The following DPP10 variants were observed in gnomAD, a reference collection of about 807,000 sequenced individuals.
DPP10 encodes dipeptidyl peptidase like 10, also known as inactive dipeptidyl peptidase 10.
Under a neutral mutation model 120.9 loss-of-function variants are expected in DPP10, and 33 were observed. The observed-to-expected ratio is 0.27, with a 90% CI of 0.21 to 0.37. The LOEUF (loss-of-function observed/expected upper bound fraction) is 0.37, where lower values mean the gene tolerates loss of function less well. Ranked by LOEUF, DPP10 falls within the 10% of genes least tolerant of loss-of-function variation. The pLI is 1.00. For missense variants in DPP10, 816 were observed against 942.8 expected (o/e 0.87, Z 1.76); for synonymous variants, 337 against 326.1 (o/e 1.03, Z -0.36).
At chr2:114,942,398 C>CAT (rs1459908933) in intron 1 of DPP10, among the ~76,000 whole-genome samples, 5 of 100,500 alleles carry the variant, frequency 5.0e-5, no homozygotes, top group Non-Finnish European at 6.7e-5. Flanking sequence ...TATACACACA[C>CAT]ACACATATAT....
At chr2:114,800,850 TCA>T (rs934288417) in intron 1 of DPP10, among the ~76,000 whole-genome samples, 11 of 151,960 alleles carry the variant, frequency 7.2e-5, no homozygotes, top group Admixed American at 2.6e-4. Flanking sequence ...TCCATTTTCC[TCA>T]GTGACAACCA....
At chr2:115,043,450 A>G (rs1177497870) in intron 1 of DPP10, among the ~76,000 whole-genome samples, 1 of 152,246 alleles carries the variant, frequency 6.6e-6, no homozygotes, top group African/African-American at 2.4e-5. Flanking sequence ...AAATGTCAAC[A>G]ATTTGTGTAG....
At chr2:115,483,348 C>T (rs1303188807) in intron 3 of DPP10, among the ~76,000 whole-genome samples, 1 of 152,066 alleles carries the variant, frequency 6.6e-6, no homozygotes, top group Non-Finnish European at 1.5e-5. Flanking sequence ...AAATTAAATA[C>T]TGTTATGTAG....
At chr2:115,410,474 G>GT (rs1410192703) in intron 3 of DPP10, among the ~76,000 whole-genome samples, 2 of 152,140 alleles carry the variant, frequency 1.3e-5, no homozygotes, top group Non-Finnish European at 2.9e-5. Flanking sequence ...ACTGGGGCCT[G>GT]TTTAGGTGTG....
At chr2:114,714,777 A>G (rs1200807160) in intron 1 of DPP10, among the ~76,000 whole-genome samples, 1 of 152,100 alleles carries the variant, frequency 6.6e-6, no homozygotes, top group East Asian at 1.9e-4. Flanking sequence ...TTTTGTTATA[A>G]AAATAAACTA....
chr2:114,735,055 A>G (rs1316185818), intron 1 of DPP10, among the ~76,000 whole-genome samples: 1 of 152,062 alleles, frequency 6.6e-6, no homozygotes, highest in Non-Finnish European at 1.5e-5. Context: ...ATCAGATTGC[A>G]TTAGGGCCCA....
intron 1 of DPP10, among the ~76,000 whole-genome samples, chr2:115,295,338 A>G (rs1393192417): frequency 6.6e-6 from 1 of 152,090 alleles, no homozygotes; most frequent in East Asian, 1.9e-4. Context: ...ACTTACCTTG[A>G]GTTTATTTAA....
intron 1 of DPP10, among the ~76,000 whole-genome samples, chr2:114,861,313 C>A (rs555175256): frequency 6.6e-6 from 1 of 152,268 alleles, no homozygotes; most frequent in East Asian, 1.9e-4. Context: ...TGATTCTGCC[C>A]AACTCCCACA....
At chr2:115,765,481 A>G (rs1680600407) in intron 12 of DPP10, among the ~76,000 whole-genome samples, 1 of 152,186 alleles carries the variant, frequency 6.6e-6, no homozygotes, top group Non-Finnish European at 1.5e-5. Context: ...ATTTAGTTCA[A>G]TTATTAATTG....
intron 1 of DPP10, among the ~76,000 whole-genome samples, chr2:115,274,018 A>G (rs140922574): frequency 7.2e-4 from 109 of 152,256 alleles, no homozygotes; most frequent in Middle Eastern, 6.8e-3. Flanking sequence ...GTGGTGTCAT[A>G]TATGTCCATT....
chr2:114,705,003 C>A (rs1027119779), intron 1 of DPP10, among the ~76,000 whole-genome samples: 5 of 152,142 alleles, frequency 3.3e-5, no homozygotes, highest in Non-Finnish European at 5.9e-5. Context: ...CAAAACCAAC[C>A]CTGCCAATGC....
At chr2:115,784,143 T>TCAA (rs1683081082) in intron 17 of DPP10, among the ~76,000 whole-genome samples, 1 of 152,104 alleles carries the variant, frequency 6.6e-6, no homozygotes, top group African/African-American at 2.4e-5. Flanking sequence ...TGTCTCAAGG[T>TCAA]CAACAAAAAC....
intron 1 of DPP10, among the ~76,000 whole-genome samples, chr2:115,244,846 CATAT>C (rs57631333): frequency 0.2 from 28,191 of 143,508 alleles, 2,932 homozygotes; most frequent in East Asian, 0.36. Context: ...TATATATATA[CATAT>C]ATATATAATT....
chr2:115,525,781 A>G (rs919094934), intron 4 of DPP10, 117 bp from the exon 5 acceptor site: 3 of 696,980 alleles, frequency 4.3e-6, no homozygotes, highest in Non-Finnish European at 7.1e-6. Flanking sequence ...ATACAATATA[A>G]AAGAAATGAG....
chr2:114,621,313 G>C (rs76684144), intron 1 of DPP10, among the ~76,000 whole-genome samples: 1 of 152,010 alleles, frequency 6.6e-6, no homozygotes, highest in East Asian at 1.9e-4. Flanking sequence ...AAACAGTAAA[G>C]CTCACCTTTG....
chr2:115,674,962 C>T lies in DPP10; in HGVS notation c.442-14725C>T, dbSNP rs190349886. ...TATTCAGGTCATTTTTCATAAGTAG[C>T]ACATAAAGAACACATTAATCTTTAT... On this transcript the variant is annotated intron_variant, in intron 5 of 25. Coordinates refer to ENST00000410059, the MANE Select transcript of DPP10 (RefSeq NM_020868.6). Among the ~76,000 whole-genome samples the T allele has an allele frequency of 7.2e-5, 11 of 152,228 alleles. 1 individual carries two copies. The highest frequency in any genetic ancestry group is 7.2e-4 in the Admixed American group (11 of 15,296).
chr2:114,902,281 A>T lies in DPP10; in HGVS notation c.61-406958A>T, dbSNP rs1693637125. ...AGTAATGTGATCAATATCAAATTTC[A>T]TTTTTTTCAAATGGATGTCTAATTC... On this transcript the variant is annotated intron_variant, in intron 1 of 25. Coordinates refer to ENST00000410059, the MANE Select transcript of DPP10 (RefSeq NM_020868.6). Among the ~76,000 whole-genome samples, 3 of 152,112 alleles carry T rather than the reference A, an allele frequency of 2.0e-5. No homozygotes were observed. The South Asian group carries it at 6.2e-4, about 31-fold the overall frequency.
At position 114,996,395 on chromosome 2, in the gene DPP10, G is replaced by T. The variant is rs562708549; in HGVS notation, c.61-312844G>T. ...GAGTATGTCTATTTAAAAGATGATT[G>T]AAAAACACACACATGCAAATACTAA... On this transcript the variant is annotated intron_variant, in intron 1 of 25. Transcript: ENST00000410059. Among the ~76,000 whole-genome samples the T allele has an allele frequency of 3.9e-5, 6 of 152,206 alleles. No homozygotes were observed. In the East Asian group the frequency reaches 1.2e-3, roughly 29 times the overall value.
At chr2:114,962,632 G>A (rs763611082) in intron 1 of DPP10, among the ~76,000 whole-genome samples, 2 of 152,116 alleles carry the variant, frequency 1.3e-5, no homozygotes, top group African/African-American at 2.4e-5. Flanking sequence ...TTTGGGTTAC[G>A]ATGTCTGCCC....
Sources: allele counts gnomAD v4.1 joint callset (sites outside exome capture counted in the v4.1 genomes callset), GRCh38; gene constraint gnomAD v4.1.1; transcripts MANE v1.5; gene names NCBI Gene and HGNC (gene_info 2026-07-23, HGNC 2026-07-21).